The following SCN9A variants were observed in gnomAD, a reference collection of about 807,000 sequenced individuals.
SCN9A encodes sodium channel protein type 9 subunit alpha.
SCN9A carries 131 observed loss-of-function variants against 187.0 expected under a neutral mutation model. The observed-to-expected ratio is 0.70, with a 90% CI of 0.61 to 0.81. SCN9A has a LOEUF of 0.81. Ranked by LOEUF, SCN9A falls within the 30% of genes least tolerant of loss-of-function variation. SCN9A has a pLI of 0.00. For synonymous variants in SCN9A, 809 were observed against 808.6 expected, an observed-to-expected ratio of 1.00 and a Z score of -0.01; for missense variants, 2,252 against 2,396.6, an observed-to-expected ratio of 0.94 and a Z score of 1.26.
chr2:166,251,341 A>G (rs896347052), intron 18 of SCN9A, among the ~76,000 whole-genome samples: 1 of 152,100 alleles, frequency 6.6e-6, no homozygotes, highest in African/African-American at 2.4e-5. Flanking sequence ...GGCCTCTGAA[A>G]CTAAGGAAAG....
At chr2:166,264,055 C>A (rs948848319) in intron 17 of SCN9A, among the ~76,000 whole-genome samples, 2 of 151,972 alleles carry the variant, frequency 1.3e-5, no homozygotes, top group Non-Finnish European at 1.5e-5. Flanking sequence ...ATCCTTGGAT[C>A]AGCTCACAAT....
intron 2 of SCN9A, among the ~76,000 whole-genome samples, chr2:166,309,950 A>G (rs1698887981): frequency 7.7e-6 from 1 of 129,520 alleles, no homozygotes; most frequent in South Asian, 2.6e-4. Context: ...AACGCCACAT[A>G]TCTACAACTA....
At chr2:166,334,687 T>C (rs540148616) in intron 1 of SCN9A, among the ~76,000 whole-genome samples, 1 of 152,268 alleles carries the variant, frequency 6.6e-6, no homozygotes, top group South Asian at 2.1e-4. Flanking sequence ...AAGTAAAACA[T>C]TTGAGCTGTG....
In SCN9A at chr2:166,199,183, T is replaced by C. The variant is rs778928947; in HGVS notation, c.5456A>G (p.Asn1819Ser). ...ATCCATGGCAATGAGCTGGACTTTG[T>C]TGGGTTTTGCTATGAGAAGAGGAGG... ...LDPPLLIAKP[N>S]KVQLIAMDLP... Residue 1819 changes from asparagine (N) to serine (S), a missense_variant, in exon 27 of 27, where the codon AAC becomes AGC. Asn to Ser is a conservative substitution (Grantham distance 46, BLOSUM62 1). Coordinates refer to ENST00000642356, the MANE Select transcript of SCN9A (RefSeq NM_001365536.1). 3.1e-6 allele frequency: 5 copies of C among 1,614,192 alleles called. No homozygotes were observed. In the Admixed American group the frequency reaches 5.0e-5, roughly 16 times the overall value.
At chr2:166,225,119 C>T (rs1344611600) in intron 24 of SCN9A, among the ~76,000 whole-genome samples, 6 of 152,114 alleles carry the variant, frequency 3.9e-5, no homozygotes, top group Non-Finnish European at 8.8e-5. Context: ...TCATCTTTTA[C>T]TATTTCTCCA....
At chr2:166,362,583 A>G (rs544551194) in intron 1 of SCN9A, among the ~76,000 whole-genome samples, 54 of 152,160 alleles carry the variant, frequency 3.5e-4, no homozygotes, top group African/African-American at 1.3e-3. Context: ...CAATCACAGG[A>G]TCACAAATGA....
intron 7 of SCN9A, among the ~76,000 whole-genome samples, chr2:166,295,134 G>T (rs1429099763): frequency 2.0e-5 from 3 of 152,150 alleles, no homozygotes; most frequent in Non-Finnish European, 4.4e-5. Flanking sequence ...GAGATATTTG[G>T]GCTGGGGGAA....
In SCN9A at chr2:166,284,791, C is replaced by A; in HGVS notation, c.1636G>T (p.Ala546Ser). ...PLSIRGSLFS[A>S]RRSSRTSLFS... The stretch of plus-strand genomic sequence containing the variant: ...AGACTTGTTCTGCTGCTTCGCCTTG[C>A]AGAAAACAAGGAGCCACGAATGCTG... Residue 546 changes from alanine to serine, a missense_variant, in exon 12 of 27, where the codon GCA becomes TCA. Transcript: ENST00000642356. The A allele has an allele frequency of 6.2e-7, 1 of 1,612,626 alleles. No homozygotes were observed.
intron 20 of SCN9A, among the ~76,000 whole-genome samples, chr2:166,235,568 G>C (rs2106399074): frequency 6.6e-6 from 1 of 152,168 alleles, no homozygotes; most frequent in Non-Finnish European, 1.5e-5. Flanking sequence ...TCTTGGGGTT[G>C]GGGGCAGAAT....
chr2:166,345,942 G>A (rs1699890212), intron 1 of SCN9A, among the ~76,000 whole-genome samples: 1 of 152,122 alleles, frequency 6.6e-6, no homozygotes, highest in African/African-American at 2.4e-5. Flanking sequence ...ACTGAATCTA[G>A]CTTCCTCCCT....
At chr2:166,364,229 T>G (rs1700360496) in intron 1 of SCN9A, among the ~76,000 whole-genome samples, 1 of 151,238 alleles carries the variant, frequency 6.6e-6, no homozygotes, top group African/African-American at 2.4e-5. Flanking sequence ...GCATTGCTGA[T>G]AGGAATATAA....
At chr2:166,218,785 C>G (rs934364262) in intron 24 of SCN9A, among the ~76,000 whole-genome samples, 1 of 152,088 alleles carries the variant, frequency 6.6e-6, no homozygotes, top group Non-Finnish European at 1.5e-5. Flanking sequence ...AGCAGACAGT[C>G]TACAGAATGG....
chr2:166,361,139 GAAA>G (rs148846057), intron 1 of SCN9A, among the ~76,000 whole-genome samples: 51 of 152,032 alleles, frequency 3.4e-4, no homozygotes, highest in South Asian at 1.0e-3. Flanking sequence ...TATTTTAGTG[GAAA>G]AAATTAGACA....
At chr2:166,214,503 C>CTTTTT (rs34494272) in intron 24 of SCN9A, among the ~76,000 whole-genome samples, 5 of 64,262 alleles carry the variant, frequency 7.8e-5, no homozygotes, top group African/African-American at 1.9e-4. Flanking sequence ...TACAATCTTT[C>CTTTTT]TTTTTTTTTT....
At chr2:166,243,833 C>T (rs916391876) in intron 18 of SCN9A, among the ~76,000 whole-genome samples, 4 of 151,912 alleles carry the variant, frequency 2.6e-5, no homozygotes, top group African/African-American at 4.8e-5. Flanking sequence ...CTCCACGGTA[C>T]ATGGAGGATA....
At chr2:166,336,571 T>G (rs749364100) in intron 1 of SCN9A, among the ~76,000 whole-genome samples, 4 of 152,068 alleles carry the variant, frequency 2.6e-5, no homozygotes, top group Non-Finnish European at 4.4e-5. Flanking sequence ...AGACCACAAT[T>G]TCACCTGGAG....
Position 166,229,105 on chromosome 2 carries a change from G to A in SCN9A, c.3925-133C>T, listed in dbSNP as rs568380739. ...AATATCTAAGACATCAAACCAACCA[G>A]CCGACTCATGTTTATTAAATGCCTA... On this transcript the variant is annotated intron_variant, in intron 21 of 26. Coordinates refer to ENST00000642356, the MANE Select transcript of SCN9A (RefSeq NM_001365536.1). The A allele has an allele frequency of 7.7e-5, 50 of 647,208 alleles. No individual in the cohort carries two copies. In the African/African-American group the frequency reaches 8.6e-4, roughly 11 times the overall value. The allele number at this position is 647,208 out of a possible 1,614,324, so 40.1% of individuals were successfully genotyped here. A position where few individuals can be genotyped will look rare whatever the true frequency, so the allele number is the denominator to read the frequency against.
intron 17 of SCN9A, among the ~76,000 whole-genome samples, chr2:166,269,898 C>T (rs1696900720): frequency 6.6e-6 from 1 of 151,972 alleles, no homozygotes. Flanking sequence ...CAACTGTCTG[C>T]CAGGCAATTG....
intron 17 of SCN9A, among the ~76,000 whole-genome samples, chr2:166,254,272 C>T (rs1350949963): frequency 6.6e-6 from 1 of 151,272 alleles, no homozygotes; most frequent in African/African-American, 2.4e-5. Flanking sequence ...CTAATAGATT[C>T]TTAGACATTC....
Sources: allele counts gnomAD v4.1 joint callset (sites outside exome capture counted in the v4.1 genomes callset), GRCh38; gene constraint gnomAD v4.1.1; transcripts MANE v1.5; gene names NCBI Gene and HGNC (gene_info 2026-07-23, HGNC 2026-07-21).